Variants in TRMT9B observed in about 807,000 individuals in gnomAD.
TRMT9B encodes tRNA methyltransferase 9B (putative).
Under a neutral mutation model 11.5 loss-of-function variants are expected in TRMT9B, and 16 were observed. The observed-to-expected ratio is 1.39, with a 90% CI of 0.94 to 2.11. The LOEUF (loss-of-function observed/expected upper bound fraction) is 2.11. Among genes scored for constraint, TRMT9B ranks in the 30% most tolerant of loss-of-function variants. The probability of loss-of-function intolerance (pLI) is 0.00; values close to 1 mark genes in which losing one functional copy is unlikely to be tolerated. For missense variants in TRMT9B, 941 were observed against 553.8 expected (o/e 1.70, Z -7.02); for synonymous variants, 274 against 192.4 (o/e 1.42, Z -3.51).
intron 1 of TRMT9B, among the ~76,000 whole-genome samples, chr8:12,953,853 G>T (rs1024677144): frequency 6.6e-6 from 1 of 152,140 alleles, no homozygotes. Flanking sequence ...GACATATCTT[G>T]TCACTGAGGA....
chr8:12,961,366 T>C (rs1411850631), intron 1 of TRMT9B, among the ~76,000 whole-genome samples: 12 of 151,840 alleles, frequency 7.9e-5, no homozygotes, highest in Non-Finnish European at 5.9e-5. Context: ...TTTTTTAAAG[T>C]TAAGAAATAC....
At position 13,021,330 on chromosome 8, in the gene TRMT9B, T is replaced by C; in HGVS notation, c.651T>C (p.Tyr217=). 6.2e-7 allele frequency: 1 copy of C among 1,614,058 alleles called. No homozygotes were observed. ...CAAAACGGTCCCACAGCGTGGGCTA[T>C]GAACCTGCTATGGCAAGAACCTGTT... ...CGSKRSHSVG[Y]EPAMARTCFA... is the part of the protein sequence containing the mutation. Residue 217 remains tyrosine, a synonymous_variant, in exon 5 of 5, where the codon TAT becomes TAC. Transcript: ENST00000524591.
intron 1 of TRMT9B, among the ~76,000 whole-genome samples, chr8:12,963,846 A>T (rs1802462993): frequency 6.6e-6 from 1 of 152,222 alleles, no homozygotes; most frequent in Admixed American, 6.5e-5. Flanking sequence ...TGTTTATTTA[A>T]ACTAGGCTGC....
In TRMT9B at chr8:13,028,562, C is replaced by CTTTTCTTTTT. The variant is rs143688432; in HGVS notation, c.*6519_*6520insTTTCTTTTTT. 6 of 122,238 alleles carry CTTTTCTTTTT rather than the reference C, an allele frequency of 4.9e-5. No individual in the cohort carries two copies. Among genetic ancestry groups the CTTTTCTTTTT allele is most frequent in the African/African-American group, 1.3e-4 (4 of 31,612 alleles). The allele number at this position is 122,238 out of a possible 1,614,324, so 7.6% of individuals were successfully genotyped here. On this transcript the variant is annotated 3_prime_UTR_variant, in exon 5 of 5. Transcript: ENST00000524591. ...ATTTGGCTAAGTGATAAGCACTTTT[C>CTTTTCTTTTT]TCTTTTCTTTTCTTTTTTTTTTTTT...
rs565920437 is a variant in TRMT9B, at chr8:12,950,176, A to C, written c.-200+4210A>C. On this transcript the variant is annotated intron_variant, in intron 1 of 4. Transcript: ENST00000524591. ...GTCCTTAGCCAATTTTTTATATCTA[A>C]ATCAGACATTGGACACCACTTCCAG... is the stretch of plus-strand genomic sequence containing the variant. Among the ~76,000 whole-genome samples, 109 of 152,152 alleles carry C rather than the reference A, an allele frequency of 7.2e-4. 1 individual carries two copies. The highest frequency in any genetic ancestry group is 2.5e-3 in the African/African-American group (102 of 41,504).
chr8:13,020,943 C>A (rs1340386664), intron 4 of TRMT9B, 65 bp from the exon 5 acceptor site: 4 of 1,044,334 alleles, frequency 3.8e-6, no homozygotes, highest in Non-Finnish European at 5.4e-6. Context: ...TGGTAAACAC[C>A]AGTGTATACG....
intron 1 of TRMT9B, chr8:12,958,353 A>G (rs1160936546): frequency 6.6e-6 from 1 of 152,144 alleles, no homozygotes; most frequent in Non-Finnish European, 1.5e-5. Flanking sequence ...ATACCCAAGT[A>G]TTGGTTTTTA....
intron 1 of TRMT9B, among the ~76,000 whole-genome samples, chr8:12,965,965 A>G (rs955433118): frequency 1.3e-5 from 2 of 151,786 alleles, no homozygotes; most frequent in African/African-American, 4.8e-5. Context: ...GTGAGCCAAG[A>G]TAGTGCCACC....
intron 2 of TRMT9B, among the ~76,000 whole-genome samples, chr8:12,998,016 G>C (rs1360085383): frequency 6.6e-6 from 1 of 152,166 alleles, no homozygotes. Flanking sequence ...AAGCCCCTTT[G>C]TGTGTGTTTC....
intron 1 of TRMT9B, among the ~76,000 whole-genome samples, chr8:12,985,788 A>T (rs978144335): frequency 4.0e-4 from 61 of 151,966 alleles, no homozygotes; most frequent in African/African-American, 1.4e-3. Context: ...TTATTTTCTT[A>T]CTGTGTGTAT....
At chr8:13,007,568 T>A (rs1250687092) in intron 3 of TRMT9B, 3 of 152,154 alleles carry the variant, frequency 2.0e-5, no homozygotes, top group Non-Finnish European at 2.9e-5. Flanking sequence ...ATGAGTAATG[T>A]GGAATCTGGG....
At chr8:12,952,525 A>T (rs984563659) in intron 1 of TRMT9B, 1 of 168,144 alleles carries the variant, frequency 5.9e-6, no homozygotes, top group Non-Finnish European at 1.2e-5. Context: ...GATAAAGGAC[A>T]TGTCTAGTGC....
At chr8:12,982,807 C>T (rs1450818838) in intron 1 of TRMT9B, among the ~76,000 whole-genome samples, 3 of 152,128 alleles carry the variant, frequency 2.0e-5, no homozygotes, top group Non-Finnish European at 4.4e-5. Flanking sequence ...GGAAGTCACG[C>T]CTGACTTCAT....
intron 1 of TRMT9B, among the ~76,000 whole-genome samples, chr8:12,976,467 C>T (rs1272188906): frequency 1.3e-5 from 2 of 151,664 alleles, no homozygotes; most frequent in Non-Finnish European, 2.9e-5. Context: ...GGGCCGGGTG[C>T]AGTGGCTCGT....
intron 1 of TRMT9B, 79 bp downstream of exon 1, chr8:12,946,045 A>C (rs1241188701): frequency 6.6e-6 from 1 of 152,182 alleles, no homozygotes; most frequent in Non-Finnish European, 1.5e-5. Flanking sequence ...ATCCCACGAG[A>C]CTATAAGTGC....
At position 12,982,658 on chromosome 8, in the gene TRMT9B, T is replaced by G. The variant is rs148798073; in HGVS notation, c.-199-8176T>G. Among the ~76,000 whole-genome samples, 622 of 149,472 alleles carry G rather than the reference T, an allele frequency of 4.2e-3. 5 individuals carry two copies. The highest frequency in any genetic ancestry group is 0.015 in the African/African-American group (596 of 40,408). On this transcript the variant is annotated intron_variant, in intron 1 of 4. Coordinates refer to ENST00000524591, the MANE Select transcript of TRMT9B (RefSeq NM_020844.3). ...GCCTGGGCAACAGAGAGAGACTCCA[T>G]CTCAAAAAAAAAAAAATCATAATCA...
chr8:12,948,990 A>T (rs1281034146), intron 1 of TRMT9B, among the ~76,000 whole-genome samples: 1 of 152,092 alleles, frequency 6.6e-6, no homozygotes, highest in Non-Finnish European at 1.5e-5. Context: ...CCAGAAAAAC[A>T]CGTGTTCAAC....
At chr8:12,986,960 T>C (rs1190081462) in intron 1 of TRMT9B, among the ~76,000 whole-genome samples, 1 of 152,218 alleles carries the variant, frequency 6.6e-6, no homozygotes, top group East Asian at 1.9e-4. Context: ...AAAACCGAGA[T>C]CAACTTTTGT....
intron 2 of TRMT9B, among the ~76,000 whole-genome samples, chr8:13,003,015 C>G (rs1371950655): frequency 6.6e-6 from 1 of 152,134 alleles, no homozygotes. Flanking sequence ...AGATTCCATT[C>G]TCACTATGTG....
Sources: allele counts gnomAD v4.1 joint callset (sites outside exome capture counted in the v4.1 genomes callset), GRCh38; gene constraint gnomAD v4.1.1; transcripts MANE v1.5; gene names NCBI Gene and HGNC (gene_info 2026-07-23, HGNC 2026-07-21).